AGAP1: variants seen among roughly 807,000 people sequenced by gnomAD.
AGAP1 encodes the protein arf-GAP with GTPase, ANK repeat and PH domain-containing protein 1.
Under a neutral mutation model 105.3 loss-of-function variants are expected in AGAP1, and 29 were observed. That is an observed-to-expected ratio of 0.28 (90% CI 0.21 to 0.38). The LOEUF is 0.38. Among genes scored for constraint, AGAP1 ranks in the 10% least tolerant of loss-of-function variants. AGAP1 has a pLI of 1.00. For missense variants in AGAP1, 998 were observed against 1,165.1 expected, an observed-to-expected ratio of 0.86 and a Z score of 2.09; for synonymous variants, 509 against 485.9, an observed-to-expected ratio of 1.05 and a Z score of -0.63.
chr2:235,621,640 C>T lies in AGAP1; in HGVS notation c.164-87539C>T, dbSNP rs35883154. On this transcript the variant is annotated intron_variant, in intron 1 of 17. Transcript: ENST00000304032. This position sits in a 1 kb window ranked among gnomAD's most constrained non-coding sequence, Gnocchi z 4.1. ...CTGACTCCAGATGTCAGTGACCCTT[C>T]TGGTCTCTCCAACACAAGGGTTGGT... Among the ~76,000 whole-genome samples, 13,975 of 152,276 alleles carry T rather than the reference C, an allele frequency of 0.092. 1,196 individuals are homozygous for T. The highest frequency in any genetic ancestry group is 0.39 in the East Asian group (1,994 of 5,166).
chr2:235,496,763 G>GAA (rs10701236), intron 1 of AGAP1, among the ~76,000 whole-genome samples: 10,976 of 150,542 alleles, frequency 0.073, 476 homozygotes, highest in Middle Eastern at 0.17. Flanking sequence ...TCCCTTAAAA[G>GAA]AAAAAAAAAA....
At chr2:235,648,231 G>C (rs1019005667) in intron 1 of AGAP1, among the ~76,000 whole-genome samples, 5 of 152,106 alleles carry the variant, frequency 3.3e-5, no homozygotes, top group Admixed American at 2.0e-4. Flanking sequence ...TCCACCTCCT[G>C]TGCCCTCAGG....
intron 12 of AGAP1, among the ~76,000 whole-genome samples, chr2:235,942,694 T>A (rs1030448637): frequency 2.0e-5 from 3 of 152,124 alleles, no homozygotes; most frequent in African/African-American, 7.2e-5. Context: ...AATTACATTT[T>A]AAAAATTTCC....
At chr2:235,832,131 T>G (rs1559540054) in intron 9 of AGAP1, among the ~76,000 whole-genome samples, 1 of 152,232 alleles carries the variant, frequency 6.6e-6, no homozygotes, top group Non-Finnish European at 1.5e-5. Flanking sequence ...TCTGTTCAGA[T>G]CTTCTGCTCA....
intron 6 of AGAP1, among the ~76,000 whole-genome samples, chr2:235,778,995 T>G (rs1956086642): frequency 6.6e-6 from 1 of 152,184 alleles, no homozygotes; most frequent in Non-Finnish European, 1.5e-5. Flanking sequence ...TGTGTATGTT[T>G]TACAGATAAG....
At chr2:235,589,194 G>GTTTGTTT (rs1945238178) in intron 1 of AGAP1, among the ~76,000 whole-genome samples, 3 of 59,584 alleles carry the variant, frequency 5.0e-5, no homozygotes, top group Non-Finnish European at 8.6e-5. Context: ...TTATTGTTTT[G>GTTTGTTT]TTTTTTTTTT....
intron 1 of AGAP1, among the ~76,000 whole-genome samples, chr2:235,644,313 C>T (rs536171770): frequency 3.9e-5 from 6 of 152,306 alleles, no homozygotes; most frequent in South Asian, 2.1e-4. Flanking sequence ...GTTGCCAGCG[C>T]GATCTCTGTC....
chr2:235,833,215 C>G (rs1328440787), intron 9 of AGAP1, among the ~76,000 whole-genome samples: 1 of 152,192 alleles, frequency 6.6e-6, no homozygotes, highest in Non-Finnish European at 1.5e-5. Context: ...CGTCGGCCTG[C>G]CGCCGTGCTG....
In AGAP1 at chr2:235,971,762, T is replaced by C. The variant is rs1374936882; in HGVS notation, c.1645+3139T>C. Among the ~76,000 whole-genome samples, 2 of 149,480 alleles carry C rather than the reference T, an allele frequency of 1.3e-5. No homozygotes were observed. The highest frequency in any genetic ancestry group is 4.9e-5 in the African/African-American group (2 of 40,776). On this transcript the variant is annotated intron_variant, in intron 13 of 17. Transcript: ENST00000304032. The surrounding 1 kb of genome is among the most constrained non-coding windows in gnomAD (Gnocchi z 4.8). The stretch of plus-strand genomic sequence containing the variant: ...TTTATTTTATTTATTTATTTATTTA[T>C]TTATTTATTTATTTATTTATTTATT...
intron 9 of AGAP1, among the ~76,000 whole-genome samples, chr2:235,814,208 C>T (rs528037174): frequency 6.6e-5 from 10 of 152,298 alleles, no homozygotes; most frequent in Admixed American, 3.3e-4. Context: ...GGCCCAAGGG[C>T]GGAGCTCTTG....
chr2:235,678,987 TC>T (rs1344777491), intron 1 of AGAP1, among the ~76,000 whole-genome samples: 2 of 152,226 alleles, frequency 1.3e-5, no homozygotes, highest in Non-Finnish European at 2.9e-5. Context: ...AATCGGATTC[TC>T]CCTGTGCACA....
intron 9 of AGAP1, among the ~76,000 whole-genome samples, chr2:235,813,539 C>T (rs1048136404): frequency 1.1e-4 from 16 of 152,220 alleles, no homozygotes; most frequent in Admixed American, 9.2e-4. Context: ...CTCACTTCTT[C>T]GGTGTCCCGC....
At position 235,888,360 on chromosome 2, in the gene AGAP1, G is replaced by C. The variant is rs2050367071; in HGVS notation, c.1155+4911G>C. ...GCTGATGTCAGAGGATTGCCTGTGT[G>C]GGATAGGAGGGTCTAGAAGGCTCGA... On this transcript the variant is annotated intron_variant, in intron 10 of 17. Coordinates refer to ENST00000304032, the MANE Select transcript of AGAP1 (RefSeq NM_001037131.3). The surrounding 1 kb of genome is among the most constrained non-coding windows in gnomAD (Gnocchi z 4.8). Among the ~76,000 whole-genome samples, 1 of 152,078 alleles carries C rather than the reference G, an allele frequency of 6.6e-6. No homozygotes were observed. The highest frequency in any genetic ancestry group is 1.5e-5 in the Non-Finnish European group (1 of 68,010).
At chr2:235,968,160 T>C (rs980633557) in intron 12 of AGAP1, among the ~76,000 whole-genome samples, 9 of 152,172 alleles carry the variant, frequency 5.9e-5, no homozygotes, top group South Asian at 2.1e-4. Flanking sequence ...AACTCACCCC[T>C]TTCCTTTTGC....
chr2:235,685,751 G>A (rs188561102), intron 1 of AGAP1, among the ~76,000 whole-genome samples: 11 of 152,060 alleles, frequency 7.2e-5, no homozygotes, highest in African/African-American at 1.2e-4. Flanking sequence ...AATTTGAGAC[G>A]GGTCTCAGTT....
At chr2:235,929,022 C>T (rs1037596968) in intron 11 of AGAP1, among the ~76,000 whole-genome samples, 1 of 152,170 alleles carries the variant, frequency 6.6e-6, no homozygotes, top group African/African-American at 2.4e-5. Flanking sequence ...CACGCCCATG[C>T]CCTGAGATGG....
Position 236,077,331 on chromosome 2 carries a change from T to C in AGAP1, c.2114+28050T>C, listed in dbSNP as rs534802767. Among the ~76,000 whole-genome samples, 6 of 150,702 alleles carry C rather than the reference T, an allele frequency of 4.0e-5. No individual in the cohort carries two copies. The East Asian group carries it at 1.2e-3, about 29-fold the overall frequency. On this transcript the variant is annotated intron_variant, in intron 16 of 17. Transcript: ENST00000304032. ...TGTCCTTATGTATGTCTCTTTTTTT[T>C]TTTTTTTGAGACAGTTTCGCTCTGT...
intron 1 of AGAP1, among the ~76,000 whole-genome samples, chr2:235,518,326 C>T (rs1942479969): frequency 6.6e-6 from 1 of 152,226 alleles, no homozygotes; most frequent in South Asian, 2.1e-4. Flanking sequence ...CTTTCTCCTC[C>T]ACTGACAGTG....
chr2:235,567,620 C>T (rs542931599), intron 1 of AGAP1, among the ~76,000 whole-genome samples: 4 of 152,294 alleles, frequency 2.6e-5, no homozygotes, highest in Non-Finnish European at 4.4e-5. Flanking sequence ...TTTCAACCTG[C>T]TTCCCAGCCG....
Sources: gnomAD v4.1 joint callset for allele counts (sites outside exome capture counted in the v4.1 genomes callset) on GRCh38, gnomAD v4.1.1 for gene constraint, Gnocchi (gnomAD v3.1) non-coding constraint, MANE v1.5 for transcripts, NCBI Gene and HGNC (gene_info 2026-07-23, HGNC 2026-07-21) for gene names.